The following BAHD1 variants were observed in gnomAD, a reference collection of about 807,000 sequenced individuals.
BAHD1 encodes the protein bromo adjacent homology domain-containing 1 protein.
Under a neutral mutation model 63.1 loss-of-function variants are expected in BAHD1, and 20 were observed. The observed-to-expected ratio is 0.32, with a 90% CI of 0.22 to 0.46. BAHD1 has a LOEUF of 0.46. Among genes scored for constraint, BAHD1 ranks in the 20% least tolerant of loss-of-function variants. BAHD1 has a pLI of 1.00. For missense variants in BAHD1, 939 were observed against 1,071.8 expected, an observed-to-expected ratio of 0.88 and a Z score of 1.73; for synonymous variants, 408 against 426.8, an observed-to-expected ratio of 0.96 and a Z score of 0.54.
At chr15:40,448,720 A>G (rs1893617359) in intron 1 of BAHD1, among the ~76,000 whole-genome samples, 1 of 152,090 alleles carries the variant, frequency 6.6e-6, no homozygotes, top group Admixed American at 6.5e-5. Flanking sequence ...ATTTTTGTAG[A>G]GACAGGGTCT....
intron 1 of BAHD1, chr15:40,443,443 G>A (rs564444855): frequency 9.0e-6 from 4 of 444,412 alleles, no homozygotes; most frequent in Admixed American, 1.3e-4. Context: ...GAGGCTACAC[G>A]GCATGTGATT....
intron 5 of BAHD1, 75 bp downstream of exon 5, chr15:40,464,622 G>C (rs954578368): frequency 1.5e-6 from 2 of 1,297,718 alleles, no homozygotes; most frequent in East Asian, 4.9e-5. Context: ...GACGTGGTAG[G>C]GGGAGGGCAG....
rs1318495173 is a variant in BAHD1 at position 40,463,858 on chromosome 15, T to C, written c.1816-3T>C. 1 of 1,614,084 alleles carries C rather than the reference T, an allele frequency of 6.2e-7. No homozygotes were observed. The highest frequency in any genetic ancestry group is 8.5e-7 in the Non-Finnish European group (1 of 1,179,958). On this transcript the variant is annotated splice_polypyrimidine_tract_variant and splice_region_variant and intron_variant, in intron 3 of 6. Transcript: ENST00000416165. ...CTATTTGTGTCATTGGTTTGTTGCC[T>C]AGGATGAGCCGGAGCCAGCCATCCG...
At position 40,464,349 on chromosome 15, in the gene BAHD1, GGGTTGC is replaced by G. The variant is rs553852461; in HGVS notation, c.1976-121_1976-116del. 3.0e-4 allele frequency: 245 copies of G among 828,508 alleles called. 3 individuals are homozygous for G. The South Asian group carries it at 3.7e-3, about 13-fold the overall frequency. The allele number at this position is 828,508 out of a possible 1,614,324, so 51.3% of individuals were successfully genotyped here. ...ATGCTTGGCCTGGGGCAGGGGACAT[GGGTTGC>G]CGGAGCCTGCAGGATTGAGGTTGGA... On this transcript the variant is annotated intron_variant, in intron 4 of 6. Transcript: ENST00000416165.
chr15:40,462,152 C>T lies in BAHD1; in HGVS notation c.1673C>T (p.Thr558Ile), dbSNP rs756681057. The T allele has an allele frequency of 2.5e-6, 4 of 1,612,212 alleles. No homozygotes were observed. The highest frequency in any genetic ancestry group is 3.3e-5 in the Admixed American group (2 of 60,032). ...GLRTGSSCRH[T>I]ARSKAARRPS... Reference sequence around the variant, plus strand: ...CGCACAGGCTCCAGCTGCAGGCACACTGCAAGGAGCAAGGCTGCCCGCAGG... The same window carrying T: ...CGCACAGGCTCCAGCTGCAGGCACATTGCAAGGAGCAAGGCTGCCCGCAGG... Residue 558 changes from threonine to isoleucine, a missense_variant, in exon 3 of 7, where the codon ACT becomes ATT. Thr to Ile is a moderately conservative substitution (Grantham distance 89). This residue lies in a region of BAHD1 where 797 missense variants were observed against 813.3 expected (regional missense o/e 0.98). Transcript: ENST00000416165.
At chr15:40,465,905 G>T in intron 6 of BAHD1, 36 bp from the exon 7 acceptor site, 1 of 1,529,854 alleles carries the variant, frequency 6.5e-7, no homozygotes, top group Non-Finnish European at 8.8e-7. Context: ...TGCAAAAGTG[G>T]CTGGAGTAAA....
intron 1 of BAHD1, among the ~76,000 whole-genome samples, chr15:40,444,948 G>A (rs1040475300): frequency 3.3e-5 from 5 of 151,632 alleles, no homozygotes; most frequent in Admixed American, 2.0e-4. Flanking sequence ...AATGCAGACC[G>A]CTCCCCCGTC....
chr15:40,437,842 G>A (rs964514528), upstream of BAHD1, among the ~76,000 whole-genome samples: 1 of 152,212 alleles, frequency 6.6e-6, no homozygotes, highest in Admixed American at 6.5e-5. Flanking sequence ...TGACCGAGCA[G>A]CCAGTCTGTC....
chr15:40,447,266 G>T (rs1243445580), intron 1 of BAHD1, among the ~76,000 whole-genome samples: 2 of 152,062 alleles, frequency 1.3e-5, no homozygotes, highest in East Asian at 3.8e-4. Flanking sequence ...ATGTAAAAAA[G>T]AATTATAAAA....
chr15:40,438,166 G>A (rs572283322), upstream of BAHD1, among the ~76,000 whole-genome samples: 34 of 150,336 alleles, frequency 2.3e-4, no homozygotes, highest in African/African-American at 8.3e-4. Context: ...AGTGAAGTGG[G>A]GTGGAGGCAG....
chr15:40,440,234 A>C (rs1420420365), upstream of BAHD1, among the ~76,000 whole-genome samples: 3 of 152,124 alleles, frequency 2.0e-5, no homozygotes, highest in African/African-American at 7.2e-5. Flanking sequence ...AAGAGGAAAA[A>C]GAGATGCGGG....
In BAHD1 at chr15:40,461,919, C is replaced by G. The variant is rs1595862171; in HGVS notation, c.1440C>G (p.Cys480Trp). The G allele has an allele frequency of 6.3e-7, 1 of 1,594,834 alleles. No homozygotes were observed. Among genetic ancestry groups the G allele is most frequent in the Non-Finnish European group, 8.6e-7 (1 of 1,167,290 alleles). Residue 480 changes from cysteine (C) to tryptophan (W), a missense_variant, in exon 3 of 7, where the codon TGC becomes TGG. Physicochemically the swap from Cys to Trp is radical, Grantham distance 215. Transcript: ENST00000416165. ...ACTCTCTCCCTTTCCTAGAAGGCTG[C>G]AGATCCCTGGGCCAGTTGGAATTTC... ...PYKMPFAAEG[C>W]RSLGQLEFPL...
In BAHD1 at chr15:40,462,215, G is replaced by A. The variant is rs370390459; in HGVS notation, c.1736G>A (p.Arg579His). ...HPKQPRVQRP[R>H]PRRRRRRRTN... ...AAGCAGCCACGTGTCCAGCGCCCAC[G>A]CCCTCGCCGCCGCCGTCGCCGCCGC... is the stretch of plus-strand genomic sequence containing the variant. The change falls in exon 3 of 7, where the codon CGC (arginine) becomes CAC (histidine). Residue 579 changes from arginine (R) to histidine (H), a missense_variant. Around this residue, in one of 5 missense-constraint regions of BAHD1, gnomAD observed 797 missense variants for 813.3 expected, o/e 0.98. Coordinates refer to ENST00000416165, the MANE Select transcript of BAHD1 (RefSeq NM_014952.5). 2.2e-5 allele frequency: 36 copies of A among 1,611,630 alleles called. No individual in the cohort carries two copies. Among genetic ancestry groups the A allele is most frequent in the African/African-American group, 4.0e-5 (3 of 74,980 alleles).
chr15:40,446,452 T>A (rs776260693), intron 1 of BAHD1, among the ~76,000 whole-genome samples: 3 of 151,930 alleles, frequency 2.0e-5, no homozygotes, highest in African/African-American at 4.8e-5. Flanking sequence ...GGGAGTGGGG[T>A]CATCAGATTT....
chr15:40,466,319 G>A lies in BAHD1; in HGVS notation c.*189G>A. ...AGGGGAGGGAGCTGGGGAGGCCAGG[G>A]TATAAGAAAAGCATCAGAACTCTCA... On this transcript the variant is annotated 3_prime_UTR_variant, in exon 7 of 7. Transcript: ENST00000416165. 1.9e-6 allele frequency: 1 copy of A among 536,134 alleles called. No homozygotes were observed. Among genetic ancestry groups the A allele is most frequent in the Non-Finnish European group, 3.2e-6 (1 of 308,602 alleles). The allele number at this position is 536,134 out of a possible 1,614,324, so 33.2% of individuals were successfully genotyped here.
rs1461374634 is a variant in BAHD1 at position 40,468,039 on chromosome 15, C to T, written c.*1909C>T. 2.0e-5 allele frequency: 3 copies of T among 152,610 alleles called. No homozygotes were observed. The highest frequency in any genetic ancestry group is 7.2e-5 in the African/African-American group (3 of 41,458). The allele number at this position is 152,610 out of a possible 1,614,324, so 9.5% of individuals were successfully genotyped here. On this transcript the variant is annotated 3_prime_UTR_variant, in exon 7 of 7. Coordinates refer to ENST00000416165, the MANE Select transcript of BAHD1 (RefSeq NM_014952.5). ...GCAGCTGGTAGAATTTCAATGGAAG[C>T]ATAATCCATGTAAAATATATTTTAG...
At chr15:40,447,613 A>AAAAT (rs1893579822) in intron 1 of BAHD1, among the ~76,000 whole-genome samples, 1 of 149,208 alleles carries the variant, frequency 6.7e-6, no homozygotes, top group Non-Finnish European at 1.5e-5. Flanking sequence ...TAAATAAATA[A>AAAAT]AAATAAAAAT....
intron 4 of BAHD1, 50 bp downstream of exon 4, chr15:40,464,070 A>G (rs1308362344): frequency 3.1e-6 from 5 of 1,595,134 alleles, no homozygotes; most frequent in Non-Finnish European, 4.3e-6. Flanking sequence ...CTTCAGCAGA[A>G]CTGTAGTCCC....
At chr15:40,451,769 G>T (rs572685280) in intron 1 of BAHD1, among the ~76,000 whole-genome samples, 5 of 152,338 alleles carry the variant, frequency 3.3e-5, no homozygotes, top group South Asian at 4.1e-4. Flanking sequence ...GAGAATGAGG[G>T]GCAGGCTTAG....
Sources: allele counts gnomAD v4.1 joint callset (sites outside exome capture counted in the v4.1 genomes callset), GRCh38; gene constraint gnomAD v4.1.1; regional missense constraint gnomAD v4.1.1; transcripts MANE v1.5; gene names NCBI Gene and HGNC (gene_info 2026-07-23, HGNC 2026-07-21).